BAZ1A: variants seen among roughly 807,000 people sequenced by gnomAD.
BAZ1A encodes the protein bromodomain adjacent to zinc finger domain 1A.
A neutral mutation model predicts 185.2 loss-of-function variants in BAZ1A; 50 were observed. That is an observed-to-expected ratio of 0.27 (90% CI 0.22 to 0.34). The LOEUF (loss-of-function observed/expected upper bound fraction) is 0.34. Ranked by LOEUF, BAZ1A falls within the 10% of genes least tolerant of loss-of-function variation. The pLI, the probability that BAZ1A is intolerant of heterozygous loss-of-function variation, is 1.00. For synonymous variants in BAZ1A, 571 were observed against 615.6 expected (o/e 0.93, Z 1.07); for missense variants, 1,356 against 1,839.9 (o/e 0.74, Z 4.81).
At chr14:34,792,701 TA>T in intron 12 of BAZ1A, 73 bp downstream of exon 12, 1 of 1,535,830 alleles carries the variant, frequency 6.5e-7, no homozygotes, top group East Asian at 2.3e-5. Context: ...CAATTTAACT[TA>T]AAATTGGCCC....
chr14:34,862,868 ACT>A (rs1245187677), intron 2 of BAZ1A, among the ~76,000 whole-genome samples: 1 of 151,770 alleles, frequency 6.6e-6, no homozygotes, highest in Non-Finnish European at 1.5e-5. Flanking sequence ...GTCATACAAA[ACT>A]CGAGGTAACA....
At chr14:34,839,629 G>A (rs2042381956) in intron 3 of BAZ1A, among the ~76,000 whole-genome samples, 5 of 151,182 alleles carry the variant, frequency 3.3e-5, no homozygotes, top group Admixed American at 3.3e-4. Flanking sequence ...GGATTATGAG[G>A]TCAGGAGATC....
At chr14:34,827,864 CTT>C (rs1363920028) in intron 3 of BAZ1A, among the ~76,000 whole-genome samples, 1 of 152,062 alleles carries the variant, frequency 6.6e-6, no homozygotes, top group African/African-American at 2.4e-5. Context: ...ATTCTCACAA[CTT>C]TTGTTGTGAT....
At chr14:34,785,593 T>C (rs1880386754) in intron 14 of BAZ1A, among the ~76,000 whole-genome samples, 184 bp downstream of exon 14, 1 of 152,214 alleles carries the variant, frequency 6.6e-6, no homozygotes, top group Non-Finnish European at 1.5e-5. Context: ...TTTAAAAATA[T>C]TAGAAAATCC....
chr14:34,848,604 AATAATT>A (rs1418367443), intron 3 of BAZ1A, among the ~76,000 whole-genome samples: 1 of 152,174 alleles, frequency 6.6e-6, no homozygotes, highest in African/African-American at 2.4e-5. Context: ...CTCAAAAAAT[AATAATT>A]ATATAATTTT....
intron 3 of BAZ1A, among the ~76,000 whole-genome samples, chr14:34,854,282 CATG>C (rs1400022229): frequency 1.3e-5 from 2 of 151,926 alleles, no homozygotes; most frequent in African/African-American, 4.8e-5. Context: ...ATTAGCCGGT[CATG>C]GTGGTGGATG....
intron 4 of BAZ1A, among the ~76,000 whole-genome samples, chr14:34,817,609 C>CAAAAT (rs1390007366): frequency 3.9e-5 from 6 of 151,950 alleles, no homozygotes; most frequent in Non-Finnish European, 5.9e-5. Context: ...CAAAACAAAA[C>CAAAAT]AACAACAAAA....
chr14:34,759,444 C>T (rs1886430790), intron 24 of BAZ1A, among the ~76,000 whole-genome samples: 1 of 152,052 alleles, frequency 6.6e-6, no homozygotes, highest in African/African-American at 2.4e-5. Context: ...CGTGATCTGC[C>T]CGCCTCGGCC....
At chr14:34,787,007 C>G (rs1396771212) in intron 12 of BAZ1A, among the ~76,000 whole-genome samples, 4 of 152,222 alleles carry the variant, frequency 2.6e-5, no homozygotes, top group Admixed American at 2.6e-4. Context: ...AAAGATGGCA[C>G]TACTGTAATT....
intron 18 of BAZ1A, among the ~76,000 whole-genome samples, chr14:34,775,461 G>A (rs898584668): frequency 6.6e-6 from 1 of 152,062 alleles, no homozygotes; most frequent in Non-Finnish European, 1.5e-5. Flanking sequence ...ATCAGTGGAC[G>A]GACCATCAAG....
chr14:34,821,236 T>C (rs1370485894), intron 4 of BAZ1A, among the ~76,000 whole-genome samples: 1 of 152,168 alleles, frequency 6.6e-6, no homozygotes, highest in African/African-American at 2.4e-5. Flanking sequence ...GCTGGGCAAA[T>C]TTCCTAATTC....
chr14:34,872,014 A>C (rs2042956204), intron 2 of BAZ1A, among the ~76,000 whole-genome samples: 1 of 152,246 alleles, frequency 6.6e-6, no homozygotes, highest in Non-Finnish European at 1.5e-5. Flanking sequence ...TGCGAGAAAC[A>C]GAAAGTAATT....
At chr14:34,800,176 T>G in intron 9 of BAZ1A, 48 bp downstream of exon 9, 1 of 1,254,800 alleles carries the variant, frequency 8.0e-7, no homozygotes. Flanking sequence ...ATATGTAAAG[T>G]AGTATTACTA....
chr14:34,843,446 T>C (rs1261986812), intron 3 of BAZ1A, among the ~76,000 whole-genome samples: 1 of 152,152 alleles, frequency 6.6e-6, no homozygotes, highest in Non-Finnish European at 1.5e-5. Context: ...TGTAGAATAA[T>C]AGGTCACATG....
intron 4 of BAZ1A, among the ~76,000 whole-genome samples, chr14:34,821,927 T>C (rs1172461344): frequency 1.3e-5 from 2 of 151,924 alleles, no homozygotes; most frequent in African/African-American, 2.4e-5. Context: ...GAGGTTGCAG[T>C]AAGCCAAGAT....
chr14:34,862,211 T>C lies in BAZ1A; in HGVS notation c.225A>G (p.Arg75=), dbSNP rs202159024. 37 of 1,614,086 alleles carry C rather than the reference T, an allele frequency of 2.3e-5. No individual in the cohort carries two copies. The highest frequency in any genetic ancestry group is 3.1e-5 in the Non-Finnish European group (36 of 1,180,056). ...QEALESEKKA[R]QNLQSFPEPL... is the part of the protein sequence containing the mutation. ...GTTCTGGAAAACTCTGAAGATTCTG[T>C]CTTGCTTTTTTTTCTGACTCAAGTG... The change falls in exon 3 of 27, where the codon AGA becomes AGG. Residue 75 remains arginine, a synonymous_variant. Transcript: ENST00000360310.
chr14:34,823,315 C>T (rs2042114806), intron 4 of BAZ1A, among the ~76,000 whole-genome samples: 1 of 151,832 alleles, frequency 6.6e-6, no homozygotes, highest in South Asian at 2.1e-4. Flanking sequence ...GACTGCGCCA[C>T]TGCACTCCAG....
At chr14:34,825,488 A>AC (rs1167394662) in intron 4 of BAZ1A, among the ~76,000 whole-genome samples, 2 of 126,330 alleles carry the variant, frequency 1.6e-5, no homozygotes, top group Non-Finnish European at 3.3e-5. Flanking sequence ...AGGGTGGGGG[A>AC]GATGTATAAA....
At chr14:34,775,362 A>G (rs540206169) in intron 18 of BAZ1A, among the ~76,000 whole-genome samples, 1 of 152,344 alleles carries the variant, frequency 6.6e-6, no homozygotes, top group Admixed American at 6.5e-5. Flanking sequence ...CCCACAGGAG[A>G]CAAGTAAGCA....
Sources: allele counts gnomAD v4.1 joint callset (sites outside exome capture counted in the v4.1 genomes callset), GRCh38; gene constraint gnomAD v4.1.1; transcripts MANE v1.5; gene names NCBI Gene and HGNC (gene_info 2026-07-23, HGNC 2026-07-21).